RAB23: variants seen among roughly 807,000 people sequenced by gnomAD.
The protein encoded by RAB23 is ras-related protein Rab-23.
A neutral mutation model predicts 30.0 loss-of-function variants in RAB23; 15 were observed. That is an observed-to-expected ratio of 0.50 (90% CI 0.33 to 0.77). The LOEUF is 0.77. Ranked by LOEUF, RAB23 falls within the 30% of genes least tolerant of loss-of-function variation. The pLI is 0.02. For synonymous variants in RAB23, 93 were observed against 94.0 expected, an observed-to-expected ratio of 0.99 and a Z score of 0.06; for missense variants, 243 against 275.4, an observed-to-expected ratio of 0.88 and a Z score of 0.83.
At chr6:57,199,257 G>C (rs541010681) in intron 3 of RAB23, among the ~76,000 whole-genome samples, 30 of 152,314 alleles carry the variant, frequency 2.0e-4, no homozygotes, top group African/African-American at 6.0e-4. Flanking sequence ...TGGGTGGCGG[G>C]GGGGTGGAAT....
intron 3 of RAB23, among the ~76,000 whole-genome samples, chr6:57,202,055 A>G (rs1472251142): frequency 2.0e-5 from 3 of 152,178 alleles, no homozygotes; most frequent in Non-Finnish European, 4.4e-5. Flanking sequence ...TTATAATAAA[A>G]TTGTTCTTTT....
intron 1 of RAB23, among the ~76,000 whole-genome samples, chr6:57,215,147 C>G (rs150990014): frequency 6.7e-4 from 102 of 152,218 alleles, no homozygotes; most frequent in African/African-American, 1.9e-3. Context: ...AAGGACAGAG[C>G]CTTCAAGACC....
At chr6:57,218,222 C>G (rs1396280017) in intron 1 of RAB23, among the ~76,000 whole-genome samples, 1 of 152,124 alleles carries the variant, frequency 6.6e-6, no homozygotes, top group Non-Finnish European at 1.5e-5. Context: ...TTTTATGAAG[C>G]CAGCATTATC....
At chr6:57,217,583 C>T (rs1277250270) in intron 1 of RAB23, among the ~76,000 whole-genome samples, 2 of 152,218 alleles carry the variant, frequency 1.3e-5, no homozygotes, top group South Asian at 2.1e-4. Flanking sequence ...GCTGGGACTA[C>T]AGGCGTGAGC....
chr6:57,206,671 C>A (rs1765466032), intron 3 of RAB23, among the ~76,000 whole-genome samples: 1 of 152,126 alleles, frequency 6.6e-6, no homozygotes, highest in East Asian at 1.9e-4. Context: ...AGAAACAAGA[C>A]AACCTCTGCC....
At chr6:57,195,712 G>GGAT (rs970005889) in intron 4 of RAB23, among the ~76,000 whole-genome samples, 2 of 152,196 alleles carry the variant, frequency 1.3e-5, no homozygotes, top group African/African-American at 4.8e-5. Flanking sequence ...TCATAGAAAT[G>GGAT]GATGGTCCAG....
rs922113619 is a variant in RAB23, at chr6:57,187,874, A to C, written c.*2587T>G. The C allele has an allele frequency of 3.3e-5, 5 of 151,884 alleles. No individual in the cohort carries two copies. Among genetic ancestry groups the C allele is most frequent in the Non-Finnish European group, 7.4e-5 (5 of 68,012 alleles). The allele number at this position is 151,884 out of a possible 1,614,324, so 9.4% of individuals were successfully genotyped here. ...GTTTTAGCTTTATTTTGAAAAAGTA[A>C]CGTGTGCTATCAACTTTGGGCAGAT... On this transcript the variant is annotated 3_prime_UTR_variant, in exon 7 of 7. Coordinates refer to ENST00000468148, the MANE Select transcript of RAB23 (RefSeq NM_016277.5).
At chr6:57,194,268 T>C (rs1764940754) in intron 5 of RAB23, among the ~76,000 whole-genome samples, 1 of 152,028 alleles carries the variant, frequency 6.6e-6, no homozygotes, top group Non-Finnish European at 1.5e-5. Context: ...TGAAGAAAAG[T>C]ATCCAAAATA....
At chr6:57,217,303 A>G (rs1055901124) in intron 1 of RAB23, among the ~76,000 whole-genome samples, 17 of 151,930 alleles carry the variant, frequency 1.1e-4, no homozygotes, top group Non-Finnish European at 2.4e-4. Flanking sequence ...ATGGGAAAAT[A>G]TATTTTATTT....
At chr6:57,212,071 G>A (rs1593225306) in intron 1 of RAB23, among the ~76,000 whole-genome samples, 1 of 152,334 alleles carries the variant, frequency 6.6e-6, no homozygotes, top group African/African-American at 2.4e-5. Flanking sequence ...AAATTTCACA[G>A]GAAGCCTTGG....
At chr6:57,197,067 G>A (rs1474313942) in intron 3 of RAB23, among the ~76,000 whole-genome samples, 2 of 152,026 alleles carry the variant, frequency 1.3e-5, no homozygotes, top group African/African-American at 4.8e-5. Context: ...AATGTCATTT[G>A]CTTAATTTCT....
In RAB23 at chr6:57,197,246, G is replaced by A. The variant is rs191544402; in HGVS notation, c.242-640C>T. ...ATATATATATATAATAGAGGGGTTGGGGGAAACTTAGTTTTACCCTGTTTA... is the reference window on the plus strand; with the variant it reads ...ATATATATATATAATAGAGGGGTTGAGGGAAACTTAGTTTTACCCTGTTTA... On this transcript the variant is annotated intron_variant, in intron 3 of 6. Transcript: ENST00000468148. 1.1e-3 allele frequency among the ~76,000 whole-genome samples: 168 copies of A among 152,026 alleles called. 1 individual carries two copies. The highest frequency in any genetic ancestry group is 3.7e-3 in the African/African-American group (155 of 41,436).
intron 1 of RAB23, among the ~76,000 whole-genome samples, chr6:57,216,836 C>CGGCATTTAT (rs1224404606): frequency 1.3e-5 from 2 of 152,008 alleles, no homozygotes; most frequent in Non-Finnish European, 2.9e-5. Context: ...GACGTTGCCG[C>CGGCATTTAT]GGCATTTATA....
Position 57,194,779 on chromosome 6 carries a change from C to T in RAB23, c.472G>A (p.Val158Met). The change falls in exon 5 of 7, where the codon GTG becomes ATG. Residue 158 changes from valine to methionine, a missense_variant. Val to Met is a conservative substitution (Grantham distance 21, BLOSUM62 1). Coordinates refer to ENST00000468148, the MANE Select transcript of RAB23 (RefSeq NM_016277.5). Reference protein sequence around the residue: ...YRTSVKEDLNVNEVFKYLAEK... With the variant: ...YRTSVKEDLNMNEVFKYLAEK... ...TTTAAAGGTAATTTACCTTCATTCA[C>T]ATTTAGATCTTCTTTCACTGATGTT... 1 of 1,611,306 alleles carries T rather than the reference C, an allele frequency of 6.2e-7. No individual in the cohort carries two copies. The highest frequency in any genetic ancestry group is 1.1e-5 in the South Asian group (1 of 90,830).
chr6:57,195,859 C>T (rs1258861506), intron 4 of RAB23, among the ~76,000 whole-genome samples: 1 of 152,114 alleles, frequency 6.6e-6, no homozygotes, highest in Non-Finnish European at 1.5e-5. Context: ...TGTTTTAAGA[C>T]ACTAAGTTTT....
chr6:57,190,794 T>C (rs546017702), intron 6 of RAB23, among the ~76,000 whole-genome samples, 194 bp from the exon 7 acceptor site: 2 of 152,204 alleles, frequency 1.3e-5, no homozygotes, highest in East Asian at 1.9e-4. Flanking sequence ...ATTTGTAATG[T>C]TGTGGAACAA....
At chr6:57,199,246 C>T (rs1192547499) in intron 3 of RAB23, among the ~76,000 whole-genome samples, 2 of 152,032 alleles carry the variant, frequency 1.3e-5, no homozygotes, top group African/African-American at 4.8e-5. Flanking sequence ...AGTGATGCCT[C>T]TGGGTGGCGG....
chr6:57,205,537 T>C (rs901394447), intron 3 of RAB23, among the ~76,000 whole-genome samples: 7 of 152,024 alleles, frequency 4.6e-5, no homozygotes, highest in African/African-American at 1.4e-4. Flanking sequence ...AAATGCTACA[T>C]AGAGTGATAA....
intron 4 of RAB23, 76 bp downstream of exon 4, chr6:57,196,369 ACCTGT>A: frequency 6.6e-7 from 1 of 1,524,386 alleles, no homozygotes; most frequent in Non-Finnish European, 9.1e-7. Flanking sequence ...TTTTCCTAGA[ACCTGT>A]AAAACTATGC....
Sources: gnomAD v4.1 joint callset for allele counts (sites outside exome capture counted in the v4.1 genomes callset) on GRCh38, gnomAD v4.1.1 for gene constraint, MANE v1.5 for transcripts, NCBI Gene and HGNC (gene_info 2026-07-23, HGNC 2026-07-21) for gene names.